The following ERBB4 variants were observed in gnomAD, a reference collection of about 807,000 sequenced individuals.
ERBB4 encodes receptor tyrosine-protein kinase erbB-4.
ERBB4 carries 42 observed loss-of-function variants against 158.0 expected under a neutral mutation model. The ratio of observed to expected loss-of-function variants is 0.27; its 90% confidence interval spans 0.21 to 0.34. The LOEUF is 0.34. Ranked by LOEUF, ERBB4 falls within the 10% of genes least tolerant of loss-of-function variation. ERBB4 has a pLI of 1.00. For synonymous variants in ERBB4, 583 were observed against 558.7 expected (o/e 1.04, Z -0.61); for missense variants, 1,333 against 1,624.1 (o/e 0.82, Z 3.08).
rs185426387 is a variant in ERBB4, at chr2:211,587,230, C to G, written c.2302-25142G>C. ...AAATAGCCAGGCGTGGTGGCGAGCA[C>G]CTGTAATCCCAGCTACTTGGGAGGC... is the stretch of plus-strand genomic sequence containing the variant. On this transcript the variant is annotated intron_variant, in intron 19 of 27. Transcript: ENST00000342788. 3.3e-3 allele frequency among the ~76,000 whole-genome samples: 505 copies of G among 151,820 alleles called. 4 individuals are homozygous for G. Among genetic ancestry groups the G allele is most frequent in the African/African-American group, 0.012 (485 of 41,378 alleles).
intron 1 of ERBB4, among the ~76,000 whole-genome samples, chr2:212,311,552 A>G (rs1284911228): frequency 3.3e-5 from 5 of 150,886 alleles, no homozygotes; most frequent in Non-Finnish European, 7.4e-5. Context: ...GTTTGTAAAG[A>G]TAAAATGAAT....
chr2:211,606,342 A>G (rs1193702498), intron 19 of ERBB4, among the ~76,000 whole-genome samples: 2 of 152,126 alleles, frequency 1.3e-5, no homozygotes, highest in Non-Finnish European at 2.9e-5. Flanking sequence ...GTTCCTGTAC[A>G]TAAAAAAGAT....
chr2:212,012,131 A>T (rs1223617450), intron 2 of ERBB4, among the ~76,000 whole-genome samples: 1 of 152,170 alleles, frequency 6.6e-6, no homozygotes, highest in Non-Finnish European at 1.5e-5. Context: ...TATTGTTCTT[A>T]TTACTACTCA....
intron 1 of ERBB4, among the ~76,000 whole-genome samples, chr2:212,242,538 T>C (rs1462877482): frequency 2.6e-5 from 4 of 152,132 alleles, no homozygotes; most frequent in Non-Finnish European, 4.4e-5. Context: ...GGTAGAAATT[T>C]CCAATGAGAG....
chr2:211,536,100 G>C (rs1197813932), intron 20 of ERBB4, among the ~76,000 whole-genome samples: 1 of 151,926 alleles, frequency 6.6e-6, no homozygotes, highest in African/African-American at 2.4e-5. Flanking sequence ...TGTCATTTGA[G>C]AAGTGATTCT....
intron 20 of ERBB4, among the ~76,000 whole-genome samples, chr2:211,550,621 A>G (rs1354305126): frequency 6.9e-6 from 1 of 145,934 alleles, no homozygotes; most frequent in African/African-American, 2.5e-5. Context: ...ATCTCTATAT[A>G]TGAATATATC....
chr2:212,234,809 TC>T (rs1461316012), intron 1 of ERBB4, among the ~76,000 whole-genome samples: 1 of 152,190 alleles, frequency 6.6e-6, no homozygotes. Context: ...GTATCCTTTG[TC>T]CACTTTTTGA....
intron 1 of ERBB4, among the ~76,000 whole-genome samples, chr2:212,534,516 G>A (rs1692932619): frequency 6.6e-6 from 1 of 152,184 alleles, no homozygotes; most frequent in Admixed American, 6.5e-5. Flanking sequence ...GCAATGGAAT[G>A]GCTTGTGATT....
At chr2:212,515,211 A>G (rs1691755889) in intron 1 of ERBB4, among the ~76,000 whole-genome samples, 1 of 152,208 alleles carries the variant, frequency 6.6e-6, no homozygotes, top group Admixed American at 6.5e-5. Context: ...GTATTAATTT[A>G]TGAAAAACAT....
intron 19 of ERBB4, among the ~76,000 whole-genome samples, chr2:211,595,503 C>A (rs1365481887): frequency 6.6e-6 from 1 of 151,796 alleles, no homozygotes; most frequent in East Asian, 1.9e-4. Flanking sequence ...AAAGAAAGAG[C>A]AAAAAGTACA....
chr2:212,501,038 C>T (rs1466818415), intron 1 of ERBB4, among the ~76,000 whole-genome samples: 5 of 152,102 alleles, frequency 3.3e-5, no homozygotes, highest in Admixed American at 2.6e-4. Flanking sequence ...GAAGGAACAA[C>T]CTGATTTTGT....
rs1559293605 is a variant in ERBB4, at chr2:212,003,197, GAAAGAAAGACAGAAA to G, written c.235-55596_235-55582del. The stretch of plus-strand genomic sequence containing the variant: ...AGAAAGAAAGAAAGAAAGAAAGAAA[GAAAGAAAGACAGAAA>G]GAAGGAAGGAAGGAAGGAAGGAAGG... On this transcript the variant is annotated intron_variant, in intron 2 of 27. Coordinates refer to ENST00000342788, the MANE Select transcript of ERBB4 (RefSeq NM_005235.3). Among the ~76,000 whole-genome samples the G allele has an allele frequency of 2.4e-3, 139 of 58,782 alleles. 6 individuals are homozygous for G. The highest frequency in any genetic ancestry group is 4.6e-3 in the Non-Finnish European group (105 of 22,646). 38.6% of individuals were successfully genotyped at this position (58,782 alleles called of 152,430 possible).
chr2:211,438,989 AGTGTGTGTGT>A (rs58211149), intron 20 of ERBB4, among the ~76,000 whole-genome samples: 13 of 149,084 alleles, frequency 8.7e-5, no homozygotes, highest in East Asian at 7.9e-4. Flanking sequence ...AATATATTTG[AGTGTGTGTGT>A]GTGTGTGTGT....
At chr2:211,862,355 T>G (rs1168931678) in intron 3 of ERBB4, among the ~76,000 whole-genome samples, 7 of 152,118 alleles carry the variant, frequency 4.6e-5, no homozygotes, top group Admixed American at 2.0e-4. Flanking sequence ...CAGCAGAAAA[T>G]AAGAGTTTTT....
intron 20 of ERBB4, among the ~76,000 whole-genome samples, chr2:211,480,483 A>C (rs1426889793): frequency 6.6e-6 from 1 of 152,134 alleles, no homozygotes; most frequent in African/African-American, 2.4e-5. Context: ...CCACCATGTG[A>C]AGACAAACTT....
intron 16 of ERBB4, among the ~76,000 whole-genome samples, chr2:211,643,941 C>T (rs2070694827): frequency 6.6e-6 from 1 of 152,018 alleles, no homozygotes; most frequent in African/African-American, 2.4e-5. Flanking sequence ...TGAACTTACA[C>T]ACCTCAAGCA....
chr2:211,993,491 A>C (rs558059067), intron 2 of ERBB4, among the ~76,000 whole-genome samples: 1 of 152,224 alleles, frequency 6.6e-6, no homozygotes, highest in Non-Finnish European at 1.5e-5. Flanking sequence ...GCAATCCAAT[A>C]ATCTGATTTA....
chr2:211,809,119 T>G (rs1337587608), intron 3 of ERBB4, among the ~76,000 whole-genome samples: 1 of 152,208 alleles, frequency 6.6e-6, no homozygotes, highest in Non-Finnish European at 1.5e-5. Context: ...TACCCTTCAT[T>G]TCTTTCTCTT....
At chr2:211,493,672 A>AGT (rs2065401000) in intron 20 of ERBB4, among the ~76,000 whole-genome samples, 1 of 130,706 alleles carries the variant, frequency 7.7e-6, no homozygotes, top group Non-Finnish European at 1.6e-5. Context: ...GATGATTTGA[A>AGT]ATATATATTT....
Sources: gnomAD v4.1 joint callset for allele counts (sites outside exome capture counted in the v4.1 genomes callset) on GRCh38, gnomAD v4.1.1 for gene constraint, MANE v1.5 for transcripts, NCBI Gene and HGNC (gene_info 2026-07-23, HGNC 2026-07-21) for gene names.